Variants in EZH1 observed in about 807,000 individuals in gnomAD.
EZH1 encodes enhancer of zeste 1 polycomb repressive complex 2 subunit, also known as histone-lysine N-methyltransferase EZH1.
A neutral mutation model predicts 100.5 loss-of-function variants in EZH1; 33 were observed. That is an observed-to-expected ratio of 0.33 (90% CI 0.25 to 0.44). The LOEUF (loss-of-function observed/expected upper bound fraction) is 0.44. Ranked by LOEUF, EZH1 falls within the 20% of genes least tolerant of loss-of-function variation. EZH1 has a pLI of 1.00. For missense variants in EZH1, 475 were observed against 928.4 expected (o/e 0.51, Z 6.35); for synonymous variants, 272 against 313.8 (o/e 0.87, Z 1.41).
At chr17:42,739,884 C>T (rs1026667564) in intron 1 of EZH1, among the ~76,000 whole-genome samples, 1 of 151,054 alleles carries the variant, frequency 6.6e-6, no homozygotes, top group African/African-American at 2.4e-5. Context: ...CCCAGGTTCA[C>T]GCCATTCTCC....
At chr17:42,709,239 T>A (rs977705055) in intron 13 of EZH1, 3 of 295,334 alleles carry the variant, frequency 1.0e-5, no homozygotes, top group African/African-American at 6.3e-5. Context: ...TCTCCCTTTG[T>A]CTTTGTGGAG....
intron 20 of EZH1, 115 bp from the exon 21 acceptor site, chr17:42,702,707 G>A: frequency 7.7e-7 from 1 of 1,296,362 alleles, no homozygotes; most frequent in Non-Finnish European, 1.1e-6. Flanking sequence ...GTTTACAATG[G>A]TCCCACTTCT....
Position 42,712,481 on chromosome 17 carries a change from A to G in EZH1, c.1209T>C (p.Ala403=), listed in dbSNP as rs1290728192. 6.2e-7 allele frequency: 1 copy of G among 1,611,926 alleles called. No individual in the cohort carries two copies. Among genetic ancestry groups the G allele is most frequent in the Non-Finnish European group, 8.5e-7 (1 of 1,179,268 alleles). Residue 403 remains alanine, a synonymous_variant, in exon 12 of 21, where the codon GCT becomes GCC. Coordinates refer to ENST00000428826, the MANE Select transcript of EZH1 (RefSeq NM_001991.5). The part of the protein sequence containing the change: ...GNDWASSSSE[A]NSRCQTPTKQ... ...TTGTGGGAGTCTGACAGCGAGAGTTAGCCTCTGAGAAGGGAAGAAATAACA... is the reference window on the plus strand; with the variant it reads ...TTGTGGGAGTCTGACAGCGAGAGTTGGCCTCTGAGAAGGGAAGAAATAACA...
intron 1 of EZH1, among the ~76,000 whole-genome samples, chr17:42,743,166 GCCT>G (rs1321133635): frequency 2.8e-5 from 4 of 145,060 alleles, no homozygotes; most frequent in Non-Finnish European, 6.0e-5. Context: ...ACTGTGCCAG[GCCT>G]CCTTTTTTTT....
At position 42,730,797 on chromosome 17, in the gene EZH1, A is replaced by G. The variant is rs533102068; in HGVS notation, c.-12+31T>C. 827 of 964,768 alleles carry G rather than the reference A, an allele frequency of 8.6e-4. 7 individuals are homozygous for G. The African/African-American group carries it at 0.014, about 16-fold the overall frequency. 59.8% of individuals were successfully genotyped at this position (964,768 alleles called of 1,614,324 possible). ...AGGCGTGAGCCACCGCGCCCGGCCA[A>G]GAAGTATGTATTCTAATATACTTTA... On this transcript the variant is annotated intron_variant, in intron 2 of 20. Coordinates refer to ENST00000428826, the MANE Select transcript of EZH1 (RefSeq NM_001991.5).
At chr17:42,728,262 T>C (rs2053864561) in intron 3 of EZH1, among the ~76,000 whole-genome samples, 1 of 150,784 alleles carries the variant, frequency 6.6e-6, no homozygotes, top group African/African-American at 2.4e-5. Flanking sequence ...TACAGGCATA[T>C]GACACCACGC....
chr17:42,729,028 A>AG, intron 2 of EZH1, 76 bp from the exon 3 acceptor site: 2 of 1,377,372 alleles, frequency 1.5e-6, no homozygotes, highest in South Asian at 1.4e-5. Context: ...AAAAAAAAAA[A>AG]AGATCAATTA....
rs2053570801 is a variant in EZH1 at position 42,715,038 on chromosome 17, TTTATATA to T, written c.1024-1656_1024-1650del. 2.1e-5 allele frequency among the ~76,000 whole-genome samples: 3 copies of T among 139,934 alleles called. No individual in the cohort carries two copies. The South Asian group carries it at 6.4e-4, about 30-fold the overall frequency. 91.8% of individuals were successfully genotyped at this position (139,934 alleles called of 152,430 possible). ...ATATATATAATTTATGTAAATATAA[TTTATATA>T]TTATATATGTATTTATATACTATAT... On this transcript the variant is annotated intron_variant, in intron 10 of 20. Coordinates refer to ENST00000428826, the MANE Select transcript of EZH1 (RefSeq NM_001991.5).
At position 42,717,840 on chromosome 17, in the gene EZH1, A is replaced by G. The variant is rs1303296117; in HGVS notation, c.1023+136T>C. Reference sequence around the variant, plus strand: ...GGGAGTTCCTTAAGAGCGGTCCCACAGTAACTGGGGAGCTCCTTAAGAGCA... The same window carrying G: ...GGGAGTTCCTTAAGAGCGGTCCCACGGTAACTGGGGAGCTCCTTAAGAGCA... On this transcript the variant is annotated intron_variant, in intron 10 of 20. Transcript: ENST00000428826. 8.5e-6 allele frequency: 6 copies of G among 705,034 alleles called. No individual in the cohort carries two copies. The East Asian group carries it at 1.3e-4, about 16-fold the overall frequency. The allele number at this position is 705,034 out of a possible 1,614,324, so 43.7% of individuals were successfully genotyped here.
chr17:42,711,409 G>T (rs1317650967), intron 12 of EZH1, among the ~76,000 whole-genome samples: 1 of 152,144 alleles, frequency 6.6e-6, no homozygotes, highest in Non-Finnish European at 1.5e-5. Flanking sequence ...GGAGGCGGAG[G>T]CTGCAGTGAG....
intron 1 of EZH1, chr17:42,731,945 A>G (rs1211087102): frequency 6.6e-6 from 1 of 152,106 alleles, no homozygotes; most frequent in Non-Finnish European, 1.5e-5. Flanking sequence ...AGCTATGAAG[A>G]GCCAAAATTT....
chr17:42,710,969 CCA>C (rs1470322811), intron 12 of EZH1, among the ~76,000 whole-genome samples: 1 of 151,988 alleles, frequency 6.6e-6, no homozygotes, highest in East Asian at 1.9e-4. Context: ...GAAGAAGAGG[CCA>C]CAGAGTCTCC....
intron 6 of EZH1, 119 bp downstream of exon 6, chr17:42,722,676 A>AT (rs1369227172): frequency 4.1e-6 from 4 of 967,342 alleles, no homozygotes; most frequent in African/African-American, 1.7e-5. Context: ...TGACATTGAA[A>AT]TATTCTGCAG....
Position 42,718,666 on chromosome 17 carries a change from T to C in EZH1, c.768-49A>G, listed in dbSNP as rs374092442. 3.1e-6 allele frequency: 5 copies of C among 1,600,494 alleles called. No homozygotes were observed. Among genetic ancestry groups the C allele is most frequent in the Non-Finnish European group, 4.3e-6 (5 of 1,170,238 alleles). ...AGTTCCTCCGAGGAACTGCCTCCAC[T>C]GAGGAAATACAGATTGGGTACTGAC... On this transcript the variant is annotated intron_variant, in intron 8 of 20. Coordinates refer to ENST00000428826, the MANE Select transcript of EZH1 (RefSeq NM_001991.5). The surrounding 1 kb of genome is among the most constrained non-coding windows in gnomAD (Gnocchi z 4.2).
At chr17:42,712,227 G>A in intron 12 of EZH1, 62 bp downstream of exon 12, 1 of 1,546,416 alleles carries the variant, frequency 6.5e-7, no homozygotes, top group East Asian at 2.2e-5. Context: ...AGATGGCAAA[G>A]GGCTGGACAG....
At chr17:42,733,734 G>C (rs1475403429) in intron 1 of EZH1, among the ~76,000 whole-genome samples, 2 of 150,634 alleles carry the variant, frequency 1.3e-5, no homozygotes, top group East Asian at 4.0e-4. Flanking sequence ...GCGGTCAAGA[G>C]ATTGAGACCA....
intron 12 of EZH1, among the ~76,000 whole-genome samples, chr17:42,711,645 CAA>C (rs34631785): frequency 4.3e-5 from 6 of 139,394 alleles, no homozygotes; most frequent in Admixed American, 7.2e-5. Context: ...GATTCTGTCT[CAA>C]AAAAAAAAAA....
rs199830078 is a variant in EZH1 at position 42,727,679 on chromosome 17, C to G, written c.202G>C (p.Val68Leu). 134 of 1,610,602 alleles carry G rather than the reference C, an allele frequency of 8.3e-5. No individual in the cohort carries two copies. In the East Asian group the frequency reaches 2.1e-3, roughly 26 times the overall value. Residue 68 changes from valine to leucine, a missense_variant, in exon 4 of 21, where the codon GTT (valine) becomes CTT (leucine). By Grantham distance (32) the Val-to-Leu change is conservative. This residue lies in a region of EZH1 where 105 missense variants were observed against 129.8 expected (regional missense o/e 0.81). Coordinates refer to ENST00000428826, the MANE Select transcript of EZH1 (RefSeq NM_001991.5). The stretch of plus-strand genomic sequence containing the variant: ...CCACTCACAGGCTTCATTGACTGAA[C>G]AGGTTGGACACGAAGCTTCTTCCAT... The part of the protein sequence containing the change: ...EEWKKLRVQP[V>L]QSMKPVSGHP...
chr17:42,741,501 C>A (rs1006957191), intron 1 of EZH1, among the ~76,000 whole-genome samples: 1 of 152,152 alleles, frequency 6.6e-6, no homozygotes, highest in South Asian at 2.1e-4. Context: ...TGAGCCACAA[C>A]GTGGGGGGCC....
Sources: gnomAD v4.1 joint callset for allele counts (sites outside exome capture counted in the v4.1 genomes callset) on GRCh38, gnomAD v4.1.1 for gene constraint, gnomAD v4.1.1 regional missense constraint, Gnocchi (gnomAD v3.1) non-coding constraint, MANE v1.5 for transcripts, NCBI Gene and HGNC (gene_info 2026-07-23, HGNC 2026-07-21) for gene names.